The following STPG4 variants were observed in gnomAD, a reference collection of about 807,000 sequenced individuals.
STPG4 encodes protein STPG4.
A neutral mutation model predicts 31.5 loss-of-function variants in STPG4; 41 were observed. That is an observed-to-expected ratio of 1.30 (90% CI 1.01 to 1.69). The LOEUF (loss-of-function observed/expected upper bound fraction) is 1.69, where lower values mean the gene tolerates loss of function less well. Among genes scored for constraint, STPG4 ranks in the 40% most tolerant of loss-of-function variants. The pLI is 0.00. For synonymous variants in STPG4, 141 were observed against 103.0 expected (o/e 1.37, Z -2.24); for missense variants, 375 against 293.4 (o/e 1.28, Z -2.03).
At chr2:47,113,064 T>C (rs1334821189) in intron 5 of STPG4, among the ~76,000 whole-genome samples, 2 of 151,268 alleles carry the variant, frequency 1.3e-5, no homozygotes, top group East Asian at 3.9e-4. Flanking sequence ...CTGGAGGGAA[T>C]TTTTTAAGTA....
At chr2:47,110,858 TA>T (rs1413220325) in intron 5 of STPG4, among the ~76,000 whole-genome samples, 3 of 152,246 alleles carry the variant, frequency 2.0e-5, no homozygotes, top group Non-Finnish European at 4.4e-5. Context: ...GGCTGCCAAA[TA>T]TTTTTTGGGT....
intron 3 of STPG4, among the ~76,000 whole-genome samples, chr2:47,137,225 G>A (rs1275172289): frequency 6.6e-5 from 10 of 152,090 alleles, no homozygotes; most frequent in Admixed American, 6.5e-4. Context: ...TGCTTTTTCT[G>A]CATCTATTGA....
intron 2 of STPG4, 130 bp downstream of exon 2, chr2:47,152,827 A>C: frequency 1.8e-6 from 1 of 552,674 alleles, no homozygotes; most frequent in Admixed American, 3.8e-5. Context: ...TAAGTATGAC[A>C]TGAGGTCCAT....
intron 5 of STPG4, among the ~76,000 whole-genome samples, chr2:47,091,831 G>A (rs150879783): frequency 6.6e-6 from 1 of 152,188 alleles, no homozygotes; most frequent in East Asian, 1.9e-4. Flanking sequence ...AATTGAGAAT[G>A]TGTGCAAATA....
At chr2:47,123,228 A>C (rs190152656) in intron 5 of STPG4, among the ~76,000 whole-genome samples, 1 of 152,344 alleles carries the variant, frequency 6.6e-6, no homozygotes, top group African/African-American at 2.4e-5. Context: ...TTTTTATCAT[A>C]ACTCATGGTC....
At chr2:47,103,532 C>T (rs1428290617) in intron 5 of STPG4, among the ~76,000 whole-genome samples, 1 of 151,918 alleles carries the variant, frequency 6.6e-6, no homozygotes, top group Non-Finnish European at 1.5e-5. Flanking sequence ...AGTCATGGCC[C>T]TCAGACAGAC....
chr2:47,123,171 A>G (rs1686307775), intron 5 of STPG4, among the ~76,000 whole-genome samples: 1 of 152,108 alleles, frequency 6.6e-6, no homozygotes, highest in Non-Finnish European at 1.5e-5. Context: ...ATAATTATTT[A>G]TTTTTTTGAC....
At chr2:47,104,150 A>G (rs1685855078) in intron 5 of STPG4, among the ~76,000 whole-genome samples, 2 of 151,962 alleles carry the variant, frequency 1.3e-5, no homozygotes, top group Non-Finnish European at 2.9e-5. Flanking sequence ...GAGGGAATCA[A>G]CCCTGAAGTC....
At chr2:47,095,383 G>A (rs1441277144) in intron 5 of STPG4, among the ~76,000 whole-genome samples, 7 of 152,170 alleles carry the variant, frequency 4.6e-5, no homozygotes, top group South Asian at 2.1e-4. Context: ...ACTCTAAACC[G>A]AGGAAGACCA....
intron 5 of STPG4, among the ~76,000 whole-genome samples, chr2:47,093,955 G>T (rs549500434): frequency 1.3e-5 from 2 of 152,204 alleles, no homozygotes; most frequent in Non-Finnish European, 2.9e-5. Flanking sequence ...ATCCGAGGAC[G>T]GCTTGAGTGG....
At chr2:47,147,957 T>TC (rs55964492) in intron 3 of STPG4, among the ~76,000 whole-genome samples, 6 of 10,120 alleles carry the variant, frequency 5.9e-4, no homozygotes, top group Middle Eastern at 0.33. Context: ...TACATATTCC[T>TC]TTTTTTTTTT....
intron 5 of STPG4, among the ~76,000 whole-genome samples, chr2:47,109,238 C>T (rs537209138): frequency 5.7e-4 from 87 of 152,236 alleles, no homozygotes; most frequent in African/African-American, 1.9e-3. Context: ...AGAAAAATTG[C>T]CAGGATAAAC....
chr2:47,125,679 C>T (rs1415737529), intron 5 of STPG4, among the ~76,000 whole-genome samples: 2 of 151,722 alleles, frequency 1.3e-5, no homozygotes, highest in African/African-American at 2.4e-5. Context: ...GGAGTTTCCT[C>T]AATGTTTTGT....
At chr2:47,119,413 A>G (rs745584079) in intron 5 of STPG4, among the ~76,000 whole-genome samples, 67 of 152,342 alleles carry the variant, frequency 4.4e-4, no homozygotes, top group Middle Eastern at 6.8e-3. Flanking sequence ...CAATAGAACA[A>G]TGGCAGAAAT....
chr2:47,151,344 G>A lies in STPG4; in HGVS notation c.313C>T (p.Leu105=), dbSNP rs751746433. 1.9e-5 allele frequency: 30 copies of A among 1,614,186 alleles called. No individual in the cohort carries two copies. Among genetic ancestry groups the A allele is most frequent in the Non-Finnish European group, 2.5e-5 (29 of 1,180,020 alleles). The change falls in exon 3 of 7, where the codon CTG becomes TTG. Residue 105 remains leucine (L), a synonymous_variant. Coordinates refer to ENST00000445927, the MANE Select transcript of STPG4 (RefSeq NM_001163561.2). ...GCCACTTGCTTCTTTAACAGGTCCA[G>A]GAAGTCAGGAGGCATATACTGCGGA... The part of the protein sequence containing the change: ...DLPQYMPPDF[L]DLLKKQVATY...
chr2:47,147,221 G>A (rs1350771161), intron 3 of STPG4, among the ~76,000 whole-genome samples: 2 of 152,126 alleles, frequency 1.3e-5, no homozygotes. Flanking sequence ...GCCCATCAGA[G>A]GTGAAGAATT....
At chr2:47,135,163 G>T (rs1686571256) in intron 3 of STPG4, among the ~76,000 whole-genome samples, 1 of 152,056 alleles carries the variant, frequency 6.6e-6, no homozygotes. Flanking sequence ...TCTCTTCAGT[G>T]TCTTTTGCTG....
chr2:47,101,772 C>A (rs1422647315), intron 5 of STPG4, among the ~76,000 whole-genome samples: 1 of 151,850 alleles, frequency 6.6e-6, no homozygotes, highest in African/African-American at 2.4e-5. Flanking sequence ...GAAATTGTAT[C>A]CTTCCTATTC....
At chr2:47,150,899 G>T (rs773972529) in intron 3 of STPG4, among the ~76,000 whole-genome samples, 1 of 151,954 alleles carries the variant, frequency 6.6e-6, no homozygotes, top group African/African-American at 2.4e-5. Context: ...CGAGAGGCAG[G>T]GTTTTCTCTT....
Sources: allele counts gnomAD v4.1 joint callset (sites outside exome capture counted in the v4.1 genomes callset), GRCh38; gene constraint gnomAD v4.1.1; transcripts MANE v1.5; gene names NCBI Gene and HGNC (gene_info 2026-07-23, HGNC 2026-07-21).